The following INPP4B variants were observed in gnomAD, a reference collection of about 807,000 sequenced individuals.
INPP4B encodes the protein inositol polyphosphate-4-phosphatase type II B.
In INPP4B, 55 loss-of-function variants were observed where a neutral mutation model predicts 122.5. The ratio of observed to expected loss-of-function variants is 0.45; its 90% CI spans 0.36 to 0.56. The LOEUF (loss-of-function observed/expected upper bound fraction) is 0.56. Among genes scored for constraint, INPP4B ranks in the 20% least tolerant of loss-of-function variants. The pLI is 0.00. For missense variants in INPP4B, 1,000 were observed against 1,097.7 expected (o/e 0.91, Z 1.26); for synonymous variants, 403 against 388.7 (o/e 1.04, Z -0.43).
intron 1 of INPP4B, among the ~76,000 whole-genome samples, chr4:142,755,528 G>T (rs1561033779): frequency 6.6e-6 from 1 of 151,410 alleles, no homozygotes; most frequent in East Asian, 1.9e-4. Flanking sequence ...ACAGACTAAA[G>T]AAAAAAAATA....
chr4:142,223,053 A>G (rs1229925998), intron 12 of INPP4B, among the ~76,000 whole-genome samples: 1 of 152,130 alleles, frequency 6.6e-6, no homozygotes, highest in Non-Finnish European at 1.5e-5. Context: ...CCATGTGCAT[A>G]TAGTAGTTAG....
At chr4:142,602,348 A>T (rs1226193165) in intron 2 of INPP4B, among the ~76,000 whole-genome samples, 1 of 152,172 alleles carries the variant, frequency 6.6e-6, no homozygotes, top group Non-Finnish European at 1.5e-5. Context: ...AAATAGAAAA[A>T]CATTCCATGC....
chr4:142,259,388 A>G (rs75459742), intron 11 of INPP4B, among the ~76,000 whole-genome samples: 1 of 151,376 alleles, frequency 6.6e-6, no homozygotes, highest in South Asian at 2.1e-4. Flanking sequence ...GAAAAAAAAA[A>G]GATCAGATAC....
intron 25 of INPP4B, among the ~76,000 whole-genome samples, chr4:142,042,512 GTGTGTGTATGTATGTATGTATGTA>G (rs70949147): frequency 0.21 from 9,618 of 46,314 alleles, 405 homozygotes; most frequent in Middle Eastern, 0.37. Context: ...CAATTTATGT[GTGTGTGTATGTATGTATGTATGTA>G]TGTATGTATG....
At chr4:142,440,759 T>G (rs890535399) in intron 3 of INPP4B, among the ~76,000 whole-genome samples, 9 of 152,166 alleles carry the variant, frequency 5.9e-5, no homozygotes, top group African/African-American at 2.2e-4. Context: ...TTGTGTATAT[T>G]TAAGATATGC....
chr4:142,722,322 C>A (rs569003980), intron 2 of INPP4B, among the ~76,000 whole-genome samples: 1 of 152,100 alleles, frequency 6.6e-6, no homozygotes, highest in South Asian at 2.1e-4. Flanking sequence ...GAAAGCAGAC[C>A]AGACATTCAA....
chr4:142,460,641 T>C (rs955392115), intron 3 of INPP4B, among the ~76,000 whole-genome samples: 2 of 152,202 alleles, frequency 1.3e-5, no homozygotes, highest in Non-Finnish European at 2.9e-5. Flanking sequence ...CAGCTGTCTC[T>C]TGTCTTTCTG....
chr4:142,273,676 C>G (rs1747010658), intron 9 of INPP4B, among the ~76,000 whole-genome samples: 1 of 151,748 alleles, frequency 6.6e-6, no homozygotes, highest in African/African-American at 2.4e-5. Flanking sequence ...CTTCTATAGG[C>G]TTTCACTTAG....
chr4:142,626,379 A>G (rs943710306), intron 2 of INPP4B, among the ~76,000 whole-genome samples: 1 of 152,010 alleles, frequency 6.6e-6, no homozygotes, highest in Non-Finnish European at 1.5e-5. Context: ...AAGATTTGAC[A>G]TGAGAGATTC....
intron 2 of INPP4B, among the ~76,000 whole-genome samples, chr4:142,513,008 C>A (rs115034368): frequency 8.5e-4 from 130 of 152,204 alleles, no homozygotes; most frequent in African/African-American, 2.9e-3. Flanking sequence ...TTTTTCACAT[C>A]ATATATTAAG....
At chr4:142,402,114 C>A (rs1801804245) in intron 7 of INPP4B, among the ~76,000 whole-genome samples, 1 of 152,144 alleles carries the variant, frequency 6.6e-6, no homozygotes, top group South Asian at 2.1e-4. Context: ...TAGCTTCAAC[C>A]AGAACTCTCC....
intron 1 of INPP4B, among the ~76,000 whole-genome samples, chr4:142,745,875 T>C (rs920380245): frequency 2.0e-5 from 3 of 151,836 alleles, no homozygotes; most frequent in Non-Finnish European, 2.9e-5. Flanking sequence ...ATCAGAAAGA[T>C]ATGACAATCT....
At chr4:142,620,826 C>T (rs1307688993) in intron 2 of INPP4B, among the ~76,000 whole-genome samples, 1 of 151,814 alleles carries the variant, frequency 6.6e-6, no homozygotes, top group Non-Finnish European at 1.5e-5. Flanking sequence ...GTGTTTCTGA[C>T]TTTAACCATT....
intron 2 of INPP4B, among the ~76,000 whole-genome samples, chr4:142,608,173 G>C (rs970427851): frequency 6.6e-6 from 1 of 152,138 alleles, no homozygotes; most frequent in Non-Finnish European, 1.5e-5. Flanking sequence ...TGCTGCACCT[G>C]CCATTAGTTA....
At chr4:142,254,013 C>T (rs915816916) in intron 11 of INPP4B, among the ~76,000 whole-genome samples, 17 of 141,772 alleles carry the variant, frequency 1.2e-4, no homozygotes, top group Non-Finnish European at 1.9e-4. Flanking sequence ...GATCTGAGAA[C>T]GGGCAGACTG....
At chr4:142,174,579 T>C (rs1219270) in intron 15 of INPP4B, among the ~76,000 whole-genome samples, 98,316 of 152,020 alleles carry the variant, frequency 0.65, 37,297 homozygotes, top group Non-Finnish European at 0.83. Flanking sequence ...TGGTTTTCCA[T>C]TTAACATACA....
rs114473897 is a variant in INPP4B at position 142,620,616 on chromosome 4, T to A, written c.-191+105223A>T. Among the ~76,000 whole-genome samples, 1,061 of 152,066 alleles carry A rather than the reference T, an allele frequency of 7.0e-3. 18 individuals are homozygous for A. The highest frequency in any genetic ancestry group is 0.024 in the African/African-American group (1,009 of 41,520). On this transcript the variant is annotated intron_variant, in intron 2 of 25. Coordinates refer to ENST00000262992, the MANE Select transcript of INPP4B (RefSeq NM_001101669.3). ...ACAAACCCGCATGACATGCAATTTA[T>A]CTGCAGAACCTACTTGCACATGTAT...
intron 23 of INPP4B, among the ~76,000 whole-genome samples, chr4:142,103,621 T>C (rs1785544814): frequency 6.6e-6 from 1 of 152,112 alleles, no homozygotes; most frequent in Non-Finnish European, 1.5e-5. Context: ...GAAAGAGGTT[T>C]AGCCTTAATA....
intron 2 of INPP4B, among the ~76,000 whole-genome samples, chr4:142,557,686 T>C (rs1266019706): frequency 6.6e-6 from 1 of 152,016 alleles, no homozygotes; most frequent in Non-Finnish European, 1.5e-5. Flanking sequence ...ATCTAAAAAA[T>C]AGAAAAAATA....
Sources: allele counts gnomAD v4.1 joint callset (sites outside exome capture counted in the v4.1 genomes callset), GRCh38; gene constraint gnomAD v4.1.1; transcripts MANE v1.5; gene names NCBI Gene and HGNC (gene_info 2026-07-23, HGNC 2026-07-21).